The following FRMD4B variants were observed in gnomAD, a reference collection of about 807,000 sequenced individuals.
The protein encoded by FRMD4B is FERM domain-containing protein 4B.
In FRMD4B, 74 loss-of-function variants were observed where a neutral mutation model predicts 141.5. The observed-to-expected ratio is 0.52, with a 90% confidence interval of 0.43 to 0.63. FRMD4B has a LOEUF of 0.63. Among genes scored for constraint, FRMD4B ranks in the 30% least tolerant of loss-of-function variants. The pLI, the probability that FRMD4B is intolerant of heterozygous loss-of-function variation, is 0.00. For synonymous variants in FRMD4B, 506 were observed against 467.9 expected (o/e 1.08, Z -1.05); for missense variants, 1,366 against 1,253.4 (o/e 1.09, Z -1.36).
intron 1 of FRMD4B, among the ~76,000 whole-genome samples, chr3:69,508,003 ATAACCTTTGATTCT>A (rs1449526026): frequency 6.6e-6 from 1 of 152,196 alleles, no homozygotes. Flanking sequence ...TCCCACATGG[ATAACCTTTGATTCT>A]TAACTGAAAA....
At chr3:69,495,357 A>G (rs1309863776) in intron 1 of FRMD4B, among the ~76,000 whole-genome samples, 1 of 152,244 alleles carries the variant, frequency 6.6e-6, no homozygotes, top group Admixed American at 6.5e-5. Flanking sequence ...TATGAAGAAC[A>G]GAAAGATAAT....
intron 12 of FRMD4B, chr3:69,198,421 C>T (rs758071657): frequency 5.1e-6 from 2 of 389,664 alleles, no homozygotes; most frequent in Non-Finnish European, 9.3e-6. Context: ...TACATGCACA[C>T]AAAACTAAAA....
At chr3:69,454,600 G>A (rs1002748731) in intron 1 of FRMD4B, among the ~76,000 whole-genome samples, 12 of 152,210 alleles carry the variant, frequency 7.9e-5, no homozygotes, top group South Asian at 4.1e-4. Context: ...TGCGGAGGGT[G>A]TGCCGGGTCC....
rs1465116831 is a variant in FRMD4B, at chr3:69,293,257, T to C, written c.417-5421A>G. 2.0e-5 allele frequency among the ~76,000 whole-genome samples: 3 copies of C among 152,186 alleles called. No homozygotes were observed. The East Asian group carries it at 5.8e-4, about 30-fold the overall frequency. ...CGCTTAAATTTATGTGGCCAATATT[T>C]TCGTCTTGTGGTATTTATTTCTAGT... On this transcript the variant is annotated intron_variant, in intron 4 of 22. Coordinates refer to ENST00000398540, the MANE Select transcript of FRMD4B (RefSeq NM_015123.3).
At chr3:69,528,511 C>T (rs1249001907) in intron 1 of FRMD4B, among the ~76,000 whole-genome samples, 2 of 152,052 alleles carry the variant, frequency 1.3e-5, no homozygotes, top group Non-Finnish European at 2.9e-5. Context: ...ACTACAGGCC[C>T]ATGCCACCAT....
chr3:69,397,672 T>C (rs1704494747), intron 2 of FRMD4B, among the ~76,000 whole-genome samples: 1 of 152,204 alleles, frequency 6.6e-6, no homozygotes. Context: ...GGCAAATCTA[T>C]ATAGATAGAA....
At chr3:69,225,519 CAAAAAAAAAAAA>C (rs35855787) in intron 7 of FRMD4B, among the ~76,000 whole-genome samples, 2 of 50,572 alleles carry the variant, frequency 4.0e-5, no homozygotes, top group Admixed American at 3.2e-4. Context: ...ACTAAAAATA[CAAAAAAAAAAAA>C]AAAAAAAAAA....
chr3:69,314,663 C>T (rs1701745956), intron 1 of FRMD4B, among the ~76,000 whole-genome samples: 1 of 151,804 alleles, frequency 6.6e-6, no homozygotes, highest in Non-Finnish European at 1.5e-5. Flanking sequence ...GGTGAAACCC[C>T]CTTTCTACAA....
chr3:69,172,035 A>G, intron 22 of FRMD4B, 54 bp from the exon 23 acceptor site: 2 of 1,570,378 alleles, frequency 1.3e-6, no homozygotes, highest in Non-Finnish European at 1.8e-6. Context: ...TTGTCCCCAC[A>G]GCACAAAGAC....
At chr3:69,282,958 A>T (rs1353652266) in intron 5 of FRMD4B, among the ~76,000 whole-genome samples, 1 of 152,142 alleles carries the variant, frequency 6.6e-6, no homozygotes. Context: ...AATTAGATAG[A>T]AAATATCCCA....
intron 5 of FRMD4B, among the ~76,000 whole-genome samples, chr3:69,259,056 T>C (rs967778207): frequency 6.6e-6 from 1 of 152,200 alleles, no homozygotes; most frequent in Non-Finnish European, 1.5e-5. Flanking sequence ...TTTACATTAA[T>C]GAAATAATCA....
chr3:69,360,826 CT>C (rs1703451300), intron 1 of FRMD4B, among the ~76,000 whole-genome samples: 1 of 152,128 alleles, frequency 6.6e-6, no homozygotes, highest in Non-Finnish European at 1.5e-5. Flanking sequence ...AGAGCCATTT[CT>C]TTTTGTGACA....
intron 1 of FRMD4B, among the ~76,000 whole-genome samples, chr3:69,338,402 T>C (rs374565299): frequency 0.02 from 3,030 of 152,082 alleles, 109 homozygotes; most frequent in African/African-American, 0.068. Flanking sequence ...CACATGTATA[T>C]ATATGTAACA....
chr3:69,440,607 T>C (rs1705328261), intron 1 of FRMD4B, among the ~76,000 whole-genome samples: 1 of 152,062 alleles, frequency 6.6e-6, no homozygotes, highest in African/African-American at 2.4e-5. Flanking sequence ...GAGCTTGAGA[T>C]CAGCCTGGCC....
At chr3:69,237,761 C>T (rs1047583508) in intron 7 of FRMD4B, among the ~76,000 whole-genome samples, 4 of 152,180 alleles carry the variant, frequency 2.6e-5, no homozygotes, top group Admixed American at 6.5e-5. Flanking sequence ...GACAGAGTCT[C>T]GCTCTGTCAT....
intron 17 of FRMD4B, among the ~76,000 whole-genome samples, chr3:69,190,776 G>C (rs1437340487): frequency 6.6e-6 from 1 of 152,168 alleles, no homozygotes; most frequent in Admixed American, 6.5e-5. Context: ...ATAATCCTTT[G>C]TCCTGGGGAG....
At chr3:69,485,138 G>A (rs1046313237) in intron 1 of FRMD4B, among the ~76,000 whole-genome samples, 5 of 152,166 alleles carry the variant, frequency 3.3e-5, no homozygotes, top group African/African-American at 1.2e-4. Flanking sequence ...AGTCCTGAGG[G>A]GCCAGAGCAG....
chr3:69,221,566 C>A lies in FRMD4B; in HGVS notation c.731+292G>T, dbSNP rs921405798. Among the ~76,000 whole-genome samples the A allele has an allele frequency of 5.9e-5, 9 of 152,160 alleles. 1 individual carries two copies. Among genetic ancestry groups the A allele is most frequent in the Admixed American group, 2.0e-4 (3 of 15,274 alleles). On this transcript the variant is annotated intron_variant, in intron 9 of 22. Coordinates refer to ENST00000398540, the MANE Select transcript of FRMD4B (RefSeq NM_015123.3). ...ATGCCTGAATTCTAAAGCTGAGTAA[C>A]CTTGCCTCTACTCAGGATGAAAGCT... is the stretch of plus-strand genomic sequence containing the variant.
At chr3:69,539,278 T>C (rs1701129583) in intron 1 of FRMD4B, among the ~76,000 whole-genome samples, 1 of 152,242 alleles carries the variant, frequency 6.6e-6, no homozygotes, top group Non-Finnish European at 1.5e-5. Context: ...TGCAGAGTCT[T>C]GATTAAATCT....
Sources: gnomAD v4.1 joint callset for allele counts (sites outside exome capture counted in the v4.1 genomes callset) on GRCh38, gnomAD v4.1.1 for gene constraint, MANE v1.5 for transcripts, NCBI Gene and HGNC (gene_info 2026-07-23, HGNC 2026-07-21) for gene names.